NEGR1: variants seen among roughly 807,000 people sequenced by gnomAD.
NEGR1 encodes neuronal growth regulator 1.
NEGR1 carries 10 observed loss-of-function variants against 40.9 expected under a neutral mutation model. That is an observed-to-expected ratio of 0.24 (90% CI 0.15 to 0.42). The LOEUF (loss-of-function observed/expected upper bound fraction) is 0.42, where lower values mean the gene tolerates loss of function less well. Among genes scored for constraint, NEGR1 ranks in the 10% least tolerant of loss-of-function variants. The pLI, the probability that NEGR1 is intolerant of heterozygous loss-of-function variation, is 1.00. For synonymous variants in NEGR1, 185 were observed against 166.8 expected (o/e 1.11, Z -0.84); for missense variants, 352 against 438.9 (o/e 0.80, Z 1.77).
rs573876646 is a variant in NEGR1, at chr1:71,840,636, G to C, written c.410-64339C>G. ...ACTCAGAGTAATCAAAACCTAAAAA[G>C]TTCCAGTGGATAAATGAACATCTGG... On this transcript the variant is annotated intron_variant, in intron 2 of 6. Coordinates refer to ENST00000357731, the MANE Select transcript of NEGR1 (RefSeq NM_173808.3). Among the ~76,000 whole-genome samples, 5 of 152,140 alleles carry C rather than the reference G, an allele frequency of 3.3e-5. No individual in the cohort carries two copies. The East Asian group carries it at 9.7e-4, about 29-fold the overall frequency.
intron 1 of NEGR1, among the ~76,000 whole-genome samples, chr1:72,036,454 G>A (rs1364039770): frequency 2.6e-5 from 4 of 151,932 alleles, no homozygotes; most frequent in African/African-American, 9.6e-5. Context: ...TCAGGAGTTC[G>A]AGACCAGCCA....
intron 3 of NEGR1, among the ~76,000 whole-genome samples, chr1:71,737,675 G>A (rs533091444): frequency 2.0e-4 from 30 of 151,954 alleles, no homozygotes; most frequent in East Asian, 1.9e-3. Flanking sequence ...TAACCAATAC[G>A]GATATAACAC....
intron 2 of NEGR1, among the ~76,000 whole-genome samples, chr1:71,851,308 C>T (rs1659593234): frequency 6.6e-6 from 1 of 151,966 alleles, no homozygotes; most frequent in African/African-American, 2.4e-5. Context: ...ACAAATACAT[C>T]CTAGGTATGT....
rs541284739 is a variant in NEGR1 at position 71,595,420 on chromosome 1, AC to A, written c.789-2453del. 8.9e-4 allele frequency among the ~76,000 whole-genome samples: 135 copies of A among 152,300 alleles called. 1 individual carries two copies. The highest frequency in any genetic ancestry group is 2.5e-3 in the African/African-American group (103 of 41,566). On this transcript the variant is annotated intron_variant, in intron 5 of 6. Transcript: ENST00000357731. The stretch of plus-strand genomic sequence containing the variant: ...CTAACTCCTCAAACATCACGTAAGA[AC>A]CTATCTTCATCTGGTAGATGGCTGG...
intron 3 of NEGR1, among the ~76,000 whole-genome samples, chr1:71,758,050 G>T (rs6424446): frequency 0.49 from 74,725 of 151,610 alleles, 18,722 homozygotes; most frequent in East Asian, 0.78. Context: ...TCATCTTCAT[G>T]TTGTAGATAA....
chr1:71,659,448 G>A (rs1167484197), intron 4 of NEGR1, among the ~76,000 whole-genome samples: 1 of 152,080 alleles, frequency 6.6e-6, no homozygotes, highest in African/African-American at 2.4e-5. Flanking sequence ...GACACCAAAA[G>A]CAATCACAAA....
At chr1:72,051,906 T>C (rs887270172) in intron 1 of NEGR1, among the ~76,000 whole-genome samples, 7 of 151,510 alleles carry the variant, frequency 4.6e-5, no homozygotes, top group Non-Finnish European at 8.9e-5. Context: ...TGAAGTTTGT[T>C]TGTCCTATGT....
At chr1:71,799,929 G>C (rs1285219443) in intron 2 of NEGR1, among the ~76,000 whole-genome samples, 1 of 152,122 alleles carries the variant, frequency 6.6e-6, no homozygotes, top group Non-Finnish European at 1.5e-5. Context: ...AGCCAGAATG[G>C]TCTCGATCTC....
At chr1:72,229,220 C>G (rs1654280496) in intron 1 of NEGR1, among the ~76,000 whole-genome samples, 1 of 151,722 alleles carries the variant, frequency 6.6e-6, no homozygotes, top group Non-Finnish European at 1.5e-5. Flanking sequence ...ATAGTAACAT[C>G]ACATTCTACT....
intron 4 of NEGR1, among the ~76,000 whole-genome samples, chr1:71,671,736 T>G (rs1360243116): frequency 6.6e-6 from 1 of 152,136 alleles, no homozygotes; most frequent in Non-Finnish European, 1.5e-5. Flanking sequence ...CTGTTCAACC[T>G]TCTTTGACTG....
At chr1:71,980,029 G>A (rs2100336925) in intron 1 of NEGR1, among the ~76,000 whole-genome samples, 1 of 152,234 alleles carries the variant, frequency 6.6e-6, no homozygotes, top group East Asian at 1.9e-4. Flanking sequence ...CTGCAACTAT[G>A]AAGAAAATGC....
At chr1:71,431,566 C>CCATTCACT (rs1646469840) in intron 6 of NEGR1, among the ~76,000 whole-genome samples, 1 of 119,076 alleles carries the variant, frequency 8.4e-6, no homozygotes, top group Non-Finnish European at 2.0e-5. Flanking sequence ...ATCTGTTTAT[C>CCATTCACT]CATTCATTCA....
intron 6 of NEGR1, among the ~76,000 whole-genome samples, chr1:71,583,976 G>A (rs1422348336): frequency 1.3e-5 from 2 of 152,170 alleles, no homozygotes; most frequent in Admixed American, 1.3e-4. Flanking sequence ...CTTTAAAACT[G>A]TTGAAAGAGA....
At chr1:72,217,479 A>G (rs546695179) in intron 1 of NEGR1, among the ~76,000 whole-genome samples, 4 of 151,950 alleles carry the variant, frequency 2.6e-5, no homozygotes, top group African/African-American at 7.2e-5. Context: ...GTTAATGCCA[A>G]TATGATTTCT....
At chr1:71,825,390 G>T (rs980183500) in intron 2 of NEGR1, among the ~76,000 whole-genome samples, 3 of 151,734 alleles carry the variant, frequency 2.0e-5, no homozygotes, top group Non-Finnish European at 4.4e-5. Context: ...TGCATGCTTT[G>T]GTCCCACTTC....
At chr1:71,711,162 C>G (rs1195370084) in intron 3 of NEGR1, among the ~76,000 whole-genome samples, 2 of 150,660 alleles carry the variant, frequency 1.3e-5, no homozygotes, top group Non-Finnish European at 3.0e-5. Flanking sequence ...ACGGTGAAAC[C>G]CTGTCTCTAC....
chr1:72,008,431 C>T (rs11209888), intron 1 of NEGR1, among the ~76,000 whole-genome samples: 26,433 of 151,958 alleles, frequency 0.17, 2,925 homozygotes, highest in East Asian at 0.44. Context: ...TCTAAGTGTG[C>T]TACACATAAT....
intron 1 of NEGR1, among the ~76,000 whole-genome samples, chr1:72,281,667 G>C (rs1157792249): frequency 1.3e-5 from 2 of 151,956 alleles, no homozygotes; most frequent in African/African-American, 4.8e-5. Context: ...ACAGAAATTA[G>C]AGTCGTGGAG....
intron 3 of NEGR1, among the ~76,000 whole-genome samples, chr1:71,767,539 A>G (rs1213287213): frequency 6.6e-6 from 1 of 152,168 alleles, no homozygotes; most frequent in Non-Finnish European, 1.5e-5. Context: ...CTGGAACTGG[A>G]ACTTTTATAT....
Sources: gnomAD v4.1 joint callset for allele counts (sites outside exome capture counted in the v4.1 genomes callset) on GRCh38, gnomAD v4.1.1 for gene constraint, MANE v1.5 for transcripts, NCBI Gene and HGNC (gene_info 2026-07-23, HGNC 2026-07-21) for gene names.